SGIP1: variants seen among roughly 807,000 people sequenced by gnomAD.
SGIP1 encodes SH3-containing GRB2-like protein 3-interacting protein 1.
In SGIP1, 38 loss-of-function variants were observed where a neutral mutation model predicts 107.5. The ratio of observed to expected loss-of-function variants is 0.35; its 90% CI spans 0.27 to 0.46. The LOEUF (loss-of-function observed/expected upper bound fraction) is 0.46. Ranked by LOEUF, SGIP1 falls within the 20% of genes least tolerant of loss-of-function variation. SGIP1 has a pLI of 1.00. For synonymous variants in SGIP1, 365 were observed against 366.1 expected, an observed-to-expected ratio of 1.00 and a Z score of 0.03; for missense variants, 929 against 1,019.5, an observed-to-expected ratio of 0.91 and a Z score of 1.21.
chr1:66,673,644 C>A (rs1386626645), intron 12 of SGIP1, among the ~76,000 whole-genome samples: 1 of 152,150 alleles, frequency 6.6e-6, no homozygotes, highest in African/African-American at 2.4e-5. Context: ...ACACAAATCC[C>A]GGTCATGGAG....
At position 66,743,163 on chromosome 1, in the gene SGIP1, A is replaced by G; in HGVS notation, c.*68A>G. 6.3e-7 allele frequency: 1 copy of G among 1,578,136 alleles called. No individual in the cohort carries two copies. The highest frequency in any genetic ancestry group is 8.7e-7 in the Non-Finnish European group (1 of 1,153,128). ...ACTGATGTATGAGAAACAGATTTTA[A>G]TTTTGGTTTGATGAAAACAAACCAA... On this transcript the variant is annotated 3_prime_UTR_variant, in exon 25 of 25. Coordinates refer to ENST00000371037, the MANE Select transcript of SGIP1 (RefSeq NM_032291.4).
chr1:66,550,208 T>C (rs6665160), intron 1 of SGIP1, among the ~76,000 whole-genome samples: 1 of 152,184 alleles, frequency 6.6e-6, no homozygotes, highest in Non-Finnish European at 1.5e-5. Context: ...CCAAAGGCTG[T>C]GAAATTATGG....
At chr1:66,657,765 G>T (rs1031514658) in intron 7 of SGIP1, among the ~76,000 whole-genome samples, 4 of 152,030 alleles carry the variant, frequency 2.6e-5, no homozygotes, top group Non-Finnish European at 5.9e-5. Flanking sequence ...TATATTTTAG[G>T]TAAATTTATG....
chr1:66,591,385 C>T (rs976371901), intron 1 of SGIP1, among the ~76,000 whole-genome samples: 2 of 152,180 alleles, frequency 1.3e-5, no homozygotes, highest in Non-Finnish European at 2.9e-5. Flanking sequence ...CTTTCTCATC[C>T]TCATTTTGAT....
At chr1:66,692,373 T>C (rs1210421546) in intron 17 of SGIP1, among the ~76,000 whole-genome samples, 1 of 152,162 alleles carries the variant, frequency 6.6e-6, no homozygotes, top group Non-Finnish European at 1.5e-5. Flanking sequence ...CTAAGGAGCA[T>C]ACTGATTTAA....
chr1:66,630,875 GAAAGAAAGAAA>G (rs1558133805), intron 2 of SGIP1, among the ~76,000 whole-genome samples: 16 of 43,780 alleles, frequency 3.7e-4, no homozygotes, highest in East Asian at 2.6e-3. Context: ...AAGAAAGAAA[GAAAGAAAGAAA>G]GAAAGAAAGA....
chr1:66,609,015 G>GTCACTTATATCCCACAGGGATGAAGT (rs2067395954), intron 1 of SGIP1, among the ~76,000 whole-genome samples: 1 of 152,218 alleles, frequency 6.6e-6, no homozygotes, highest in Non-Finnish European at 1.5e-5. Flanking sequence ...AGGGATGAAG[G>GTCACTTATATCCCACAGGGATGAAGT]TCACTTATAT....
intron 17 of SGIP1, chr1:66,690,554 C>G: frequency 1.9e-6 from 1 of 513,194 alleles, no homozygotes; most frequent in South Asian, 2.6e-5. Context: ...TTTTCTTATG[C>G]TGTTCCATAC....
chr1:66,635,565 C>T (rs2075620785), intron 3 of SGIP1, among the ~76,000 whole-genome samples: 1 of 152,202 alleles, frequency 6.6e-6, no homozygotes, highest in South Asian at 2.1e-4. Context: ...CTGAACTTTT[C>T]CTACTTAGGT....
chr1:66,683,238 C>G (rs2087224856), intron 15 of SGIP1, among the ~76,000 whole-genome samples: 1 of 152,174 alleles, frequency 6.6e-6, no homozygotes, highest in Non-Finnish European at 1.5e-5. Context: ...CCAAATTTGT[C>G]TGACAACATC....
intron 18 of SGIP1, among the ~76,000 whole-genome samples, chr1:66,698,656 G>A (rs1015851623): frequency 1.3e-5 from 2 of 152,122 alleles, no homozygotes; most frequent in African/African-American, 4.8e-5. Context: ...GGGATTACAG[G>A]CGTGAGCCAC....
intron 1 of SGIP1, among the ~76,000 whole-genome samples, chr1:66,589,202 A>ATGTGTGTGTGTGTGTG (rs1265607889): frequency 1.9e-5 from 1 of 52,580 alleles, no homozygotes; most frequent in Non-Finnish European, 3.8e-5. Context: ...ATATATATAT[A>ATGTGTGTGTGTGTGTG]TATATATATA....
In SGIP1 at chr1:66,639,607, T is replaced by C. The variant is rs191427836; in HGVS notation, c.172-170T>C. On this transcript the variant is annotated intron_variant, in intron 4 of 24. Transcript: ENST00000371037. ...TTTATGCAGTGTCACAGCAGCTAGATTTACCATTCCATTACACAAATGTGG... is the reference window on the plus strand; with the variant it reads ...TTTATGCAGTGTCACAGCAGCTAGACTTACCATTCCATTACACAAATGTGG... 3.9e-5 allele frequency among the ~76,000 whole-genome samples: 6 copies of C among 152,336 alleles called. No homozygotes were observed. In the East Asian group the frequency reaches 1.2e-3, roughly 29 times the overall value.
At chr1:66,630,406 T>A (rs2074017754) in intron 2 of SGIP1, among the ~76,000 whole-genome samples, 1 of 152,162 alleles carries the variant, frequency 6.6e-6, no homozygotes, top group East Asian at 1.9e-4. Flanking sequence ...CAAAAGTTGA[T>A]GCAATCACTT....
intron 3 of SGIP1, among the ~76,000 whole-genome samples, chr1:66,633,338 G>T (rs1433529104): frequency 6.6e-6 from 1 of 152,140 alleles, no homozygotes; most frequent in Non-Finnish European, 1.5e-5. Context: ...CAGATGGTGG[G>T]TCACAAGCCA....
intron 13 of SGIP1, among the ~76,000 whole-genome samples, chr1:66,677,658 A>C (rs1332893131): frequency 6.6e-6 from 1 of 152,202 alleles, no homozygotes; most frequent in Non-Finnish European, 1.5e-5. Flanking sequence ...GCGTCTGGGA[A>C]AGGAGGTCCT....
chr1:66,670,724 TAATTTACCA>T (rs2083570014), intron 9 of SGIP1, among the ~76,000 whole-genome samples: 1 of 152,208 alleles, frequency 6.6e-6, no homozygotes, highest in African/African-American at 2.4e-5. Flanking sequence ...TATTTGAATT[TAATTTACCA>T]AATCTACCCA....
intron 1 of SGIP1, 95 bp downstream of exon 1, chr1:66,534,463 A>G: frequency 7.0e-7 from 1 of 1,434,406 alleles, no homozygotes. Context: ...TGGCGGTTCT[A>G]GAACCTGGTT....
Position 66,625,924 on chromosome 1 carries a change from G to A in SGIP1, c.74+14G>A. 6.2e-7 allele frequency: 1 copy of A among 1,605,908 alleles called. No homozygotes were observed. Among genetic ancestry groups the A allele is most frequent in the South Asian group, 1.1e-5 (1 of 89,568 alleles). On this transcript the variant is annotated intron_variant, in intron 2 of 24. Transcript: ENST00000371037. ...CACTGATTCTACGTATGTACTTTAG[G>A]AGTTTGCCTCCTCGAAGAAGCTATT...
Sources: allele counts gnomAD v4.1 joint callset (sites outside exome capture counted in the v4.1 genomes callset), GRCh38; gene constraint gnomAD v4.1.1; transcripts MANE v1.5; gene names NCBI Gene and HGNC (gene_info 2026-07-23, HGNC 2026-07-21).